PEAK1: variants seen among roughly 807,000 people sequenced by gnomAD.
The protein encoded by PEAK1 is inactive tyrosine-protein kinase PEAK1.
Under a neutral mutation model 124.7 loss-of-function variants are expected in PEAK1, and 54 were observed. That is an observed-to-expected ratio of 0.43 (90% CI 0.35 to 0.54). PEAK1 has a LOEUF of 0.54. Among genes scored for constraint, PEAK1 ranks in the 20% least tolerant of loss-of-function variants. The pLI is 0.01. For missense variants in PEAK1, 2,046 were observed against 2,134.5 expected, an observed-to-expected ratio of 0.96 and a Z score of 0.82; for synonymous variants, 719 against 760.0, an observed-to-expected ratio of 0.95 and a Z score of 0.89.
chr15:77,214,955 C>T lies in PEAK1; in HGVS notation c.-114-32915G>A, dbSNP rs2059081923. Among the ~76,000 whole-genome samples, 4 of 152,140 alleles carry T rather than the reference C, an allele frequency of 2.6e-5. No homozygotes were observed. In the South Asian group the frequency reaches 8.3e-4, roughly 32 times the overall value. On this transcript the variant is annotated intron_variant, in intron 6 of 9. Coordinates refer to ENST00000682557, the MANE Select transcript of PEAK1 (RefSeq NM_001385026.1). ...GAATTGGGTGGGGACACAGAACCAA[C>T]CATATCAACCTTAAAATGGAATTGC... is the stretch of plus-strand genomic sequence containing the variant.
chr15:77,129,601 AT>A (rs11411981), intron 9 of PEAK1, among the ~76,000 whole-genome samples: 1,405 of 139,576 alleles, frequency 0.01, 19 homozygotes, highest in African/African-American at 0.033. Flanking sequence ...ATGACTGGCT[AT>A]TTTTTTTTTT....
In PEAK1 at chr15:77,108,499, C is replaced by G. The variant is rs943777639; in HGVS notation, c.*5657G>C. 3 of 152,118 alleles carry G rather than the reference C, an allele frequency of 2.0e-5. No individual in the cohort carries two copies. Among genetic ancestry groups the G allele is most frequent in the African/African-American group, 7.2e-5 (3 of 41,418 alleles). The allele number at this position is 152,118 out of a possible 1,614,324, so 9.4% of individuals were successfully genotyped here. ...CATATCCTCAACAGAAAATCCCAAC[C>G]CAGTGTGTTCATACATCACACTCTT... On this transcript the variant is annotated 3_prime_UTR_variant, in exon 10 of 10. Coordinates refer to ENST00000682557, the MANE Select transcript of PEAK1 (RefSeq NM_001385026.1).
intron 2 of PEAK1, chr15:77,338,097 G>A (rs2066309074): frequency 1.0e-6 from 1 of 983,984 alleles, no homozygotes; most frequent in Non-Finnish European, 1.2e-6. Flanking sequence ...CCAATGAAAG[G>A]GTAAATAAGC....
chr15:77,192,681 G>A (rs575012482), intron 6 of PEAK1, among the ~76,000 whole-genome samples: 5 of 152,276 alleles, frequency 3.3e-5, no homozygotes, highest in African/African-American at 9.6e-5. Context: ...GGGTGCCAGA[G>A]CACTAGGAGT....
At chr15:77,207,804 A>T (rs1185721291) in intron 6 of PEAK1, among the ~76,000 whole-genome samples, 1 of 152,212 alleles carries the variant, frequency 6.6e-6, no homozygotes, top group Admixed American at 6.5e-5. Flanking sequence ...AGAATGTACA[A>T]CAAAAAGAGA....
Position 77,181,264 on chromosome 15 carries a change from T to C in PEAK1, c.663A>G (p.Glu221=). 1 of 1,613,990 alleles carries C rather than the reference T, an allele frequency of 6.2e-7. No homozygotes were observed. Residue 221 remains glutamate (E), a synonymous_variant, in exon 7 of 10, where the codon GAA becomes GAG. Transcript: ENST00000682557. Reference sequence around the variant, plus strand: ...ACTCTGGGTAACAGAACCGGCCCCCTTCATTACTAATCACTTCTGTGCTCC... The same window carrying C: ...ACTCTGGGTAACAGAACCGGCCCCCCTCATTACTAATCACTTCTGTGCTCC... ...LSGSTEVISN[E]GGRFCYPEFS...
rs749506547 is a variant in PEAK1, at chr15:77,158,523, C to T, written c.3311G>A (p.Ser1104Asn). The T allele has an allele frequency of 4.4e-5, 71 of 1,614,100 alleles. 1 individual carries two copies. In the Admixed American group the frequency reaches 1.1e-3, roughly 26 times the overall value. ...ISDPMDPNPC[S>N]ATYSNLGQSR... ...CTTACCTAAGTTGCTGTATGTTGCA[C>T]TACAAGGGTTCGGGTCCATAGGATC... Residue 1104 changes from serine (S) to asparagine (N), a missense_variant, in exon 8 of 10, where the codon AGT becomes AAT. Transcript: ENST00000682557.
chr15:77,182,260 T>C (rs990610823), intron 6 of PEAK1, among the ~76,000 whole-genome samples: 1 of 152,182 alleles, frequency 6.6e-6, no homozygotes, highest in African/African-American at 2.4e-5. Context: ...TATCTATCCA[T>C]ACATAATCTT....
chr15:77,320,532 A>G (rs1304127078), intron 2 of PEAK1, among the ~76,000 whole-genome samples: 1 of 152,100 alleles, frequency 6.6e-6, no homozygotes, highest in Non-Finnish European at 1.5e-5. Flanking sequence ...CCACACCAAC[A>G]ATTTATGCCT....
chr15:77,215,208 T>C lies in PEAK1; in HGVS notation c.-114-33168A>G, dbSNP rs563724677. On this transcript the variant is annotated intron_variant, in intron 6 of 9. Coordinates refer to ENST00000682557, the MANE Select transcript of PEAK1 (RefSeq NM_001385026.1). ...GACCATTCATATATTTACTGTGAAG[T>C]TCATGTTCAAATCATTTGCCCATTT... Among the ~76,000 whole-genome samples the C allele has an allele frequency of 7.2e-5, 11 of 152,328 alleles. No individual in the cohort carries two copies. In the East Asian group the frequency reaches 2.1e-3, roughly 29 times the overall value.
upstream of PEAK1, chr15:77,420,368 C>CGA (rs1253458352): frequency 1.3e-5 from 2 of 152,072 alleles, no homozygotes; most frequent in Non-Finnish European, 2.9e-5. Flanking sequence ...CTCCAGAGGA[C>CGA]GAGACCTAAA....
chr15:77,269,105 TG>T (rs2061891134), intron 5 of PEAK1, among the ~76,000 whole-genome samples: 1 of 134,864 alleles, frequency 7.4e-6, no homozygotes. Context: ...AACAACACAA[TG>T]AAAAAAAAAA....
At chr15:77,315,840 A>G (rs1270671126) in intron 2 of PEAK1, among the ~76,000 whole-genome samples, 2 of 152,042 alleles carry the variant, frequency 1.3e-5, no homozygotes, top group East Asian at 3.8e-4. Context: ...GAGAAGAATA[A>G]GAAGACCTGA....
intron 2 of PEAK1, among the ~76,000 whole-genome samples, chr15:77,342,741 C>T (rs2066622455): frequency 2.0e-5 from 3 of 152,110 alleles, no homozygotes; most frequent in African/African-American, 4.8e-5. Flanking sequence ...GATTATTTCA[C>T]TTAGCATAAT....
At chr15:77,352,740 A>G (rs941885389) in intron 2 of PEAK1, 26 of 965,558 alleles carry the variant, frequency 2.7e-5, no homozygotes, top group Non-Finnish European at 3.1e-5. Context: ...TTAACAGACA[A>G]AAAATATTTT....
chr15:77,200,914 G>A (rs12908262), intron 6 of PEAK1, among the ~76,000 whole-genome samples: 99,420 of 151,638 alleles, frequency 0.66, 33,536 homozygotes, highest in Non-Finnish European at 0.75. Context: ...CTAATTTTAG[G>A]TAGTACATAT....
At chr15:77,207,306 T>C (rs1447607239) in intron 6 of PEAK1, among the ~76,000 whole-genome samples, 1 of 152,180 alleles carries the variant, frequency 6.6e-6, no homozygotes, top group Non-Finnish European at 1.5e-5. Flanking sequence ...TCTTGGTACG[T>C]ATGTTAAGAA....
chr15:77,183,779 T>C lies in PEAK1; in HGVS notation c.-114-1739A>G, dbSNP rs1407843406. 3.3e-5 allele frequency among the ~76,000 whole-genome samples: 5 copies of C among 152,112 alleles called. No homozygotes were observed. In the East Asian group the frequency reaches 7.7e-4, roughly 23 times the overall value. ...AAACTCAACAAAAAGAAAAACCCAA[T>C]AAAAAACAGGTAAAAGATTTGAGCA... On this transcript the variant is annotated intron_variant, in intron 6 of 9. Coordinates refer to ENST00000682557, the MANE Select transcript of PEAK1 (RefSeq NM_001385026.1).
intron 9 of PEAK1, 121 bp from the exon 10 acceptor site, chr15:77,115,440 C>A: frequency 2.3e-6 from 2 of 872,114 alleles, no homozygotes; most frequent in Non-Finnish European, 3.5e-6. Flanking sequence ...AAGTTGTTCG[C>A]AAGGCTTGCC....
Sources: gnomAD v4.1 joint callset for allele counts (sites outside exome capture counted in the v4.1 genomes callset) on GRCh38, gnomAD v4.1.1 for gene constraint, MANE v1.5 for transcripts, NCBI Gene and HGNC (gene_info 2026-07-23, HGNC 2026-07-21) for gene names.